Variants in CSMD1 observed in about 807,000 individuals in gnomAD.
The protein encoded by CSMD1 is CUB and sushi domain-containing protein 1.
Under a neutral mutation model 417.5 loss-of-function variants are expected in CSMD1, and 213 were observed. The observed-to-expected ratio is 0.51, with a 90% confidence interval of 0.46 to 0.57. CSMD1 has a LOEUF of 0.57. Ranked by LOEUF, CSMD1 falls within the 20% of genes least tolerant of loss-of-function variation. The probability of loss-of-function intolerance (pLI) is 0.00; values close to 1 mark genes in which losing one functional copy is unlikely to be tolerated. For synonymous variants in CSMD1, 2,862 were observed against 1,736.8 expected (o/e 1.65, Z -16.11); for missense variants, 6,923 against 4,529.7 (o/e 1.53, Z -15.17).
chr8:3,962,687 G>C (rs1428902898), intron 5 of CSMD1, among the ~76,000 whole-genome samples: 1 of 152,146 alleles, frequency 6.6e-6, no homozygotes, highest in Non-Finnish European at 1.5e-5. Flanking sequence ...TGGGTGGGGA[G>C]TGTGGTGCAG....
chr8:3,723,352 C>A (rs1168281018), intron 6 of CSMD1, among the ~76,000 whole-genome samples: 2 of 152,152 alleles, frequency 1.3e-5, no homozygotes, highest in Non-Finnish European at 2.9e-5. Flanking sequence ...CCGCTGAGCA[C>A]CATCTCCCTT....
intron 4 of CSMD1, among the ~76,000 whole-genome samples, chr8:4,031,651 ATAT>A (rs1257764974): frequency 3.3e-5 from 5 of 152,074 alleles, no homozygotes; most frequent in African/African-American, 1.2e-4. Flanking sequence ...ATAACATGTA[ATAT>A]TATATATTAT....
At chr8:4,635,381 T>C (rs1191042957) in intron 2 of CSMD1, among the ~76,000 whole-genome samples, 1 of 152,128 alleles carries the variant, frequency 6.6e-6, no homozygotes, top group Non-Finnish European at 1.5e-5. Flanking sequence ...TTGTTTTATA[T>C]TTATTAATAT....
At chr8:4,038,205 T>C (rs1421833749) in intron 3 of CSMD1, among the ~76,000 whole-genome samples, 1 of 152,162 alleles carries the variant, frequency 6.6e-6, no homozygotes, top group Non-Finnish European at 1.5e-5. Flanking sequence ...AAATTTTCTT[T>C]TTAAAAAGTT....
chr8:3,693,283 G>T (rs1225902423), intron 7 of CSMD1, among the ~76,000 whole-genome samples: 1 of 152,142 alleles, frequency 6.6e-6, no homozygotes. Context: ...ACTTATCAAT[G>T]AGATTATATT....
intron 5 of CSMD1, among the ~76,000 whole-genome samples, chr8:3,834,255 T>C (rs986937385): frequency 6.6e-6 from 1 of 152,212 alleles, no homozygotes; most frequent in Non-Finnish European, 1.5e-5. Flanking sequence ...TGTCCATATA[T>C]TCTCATCTGT....
intron 14 of CSMD1, 21 bp downstream of exon 14, chr8:3,407,878 T>G: frequency 6.4e-7 from 1 of 1,574,100 alleles, no homozygotes; most frequent in Non-Finnish European, 8.7e-7. Context: ...TTGGATGTGT[T>G]GACTGTGTGG....
In CSMD1 at chr8:4,472,425, T is replaced by A. The variant is rs112968513; in HGVS notation, c.303-52360A>T. ...TCTTAATACTTTTATTTTAAAGGTA[T>A]ATGTCATTTATAGACATATATTTAA... is the stretch of plus-strand genomic sequence containing the variant. On this transcript the variant is annotated intron_variant, in intron 2 of 69. Coordinates refer to ENST00000635120, the MANE Select transcript of CSMD1 (RefSeq NM_033225.6). Among the ~76,000 whole-genome samples, 1,129 of 152,240 alleles carry A rather than the reference T, an allele frequency of 7.4e-3. 15 individuals are homozygous for A. The highest frequency in any genetic ancestry group is 0.025 in the African/African-American group (1,047 of 41,568).
intron 5 of CSMD1, among the ~76,000 whole-genome samples, chr8:3,762,801 G>C (rs1006081073): frequency 1.3e-5 from 2 of 152,208 alleles, no homozygotes; most frequent in Non-Finnish European, 2.9e-5. Context: ...GAAGGCAAGG[G>C]AGAGCCACCC....
At chr8:4,036,295 G>C (rs1453801060) in intron 3 of CSMD1, among the ~76,000 whole-genome samples, 3 of 151,918 alleles carry the variant, frequency 2.0e-5, no homozygotes, top group African/African-American at 7.3e-5. Flanking sequence ...TTATGGTCAA[G>C]CCTCCCACTT....
intron 2 of CSMD1, among the ~76,000 whole-genome samples, chr8:4,423,451 A>G (rs775676773): frequency 7.9e-5 from 12 of 152,100 alleles, no homozygotes; most frequent in Admixed American, 2.6e-4. Context: ...AAATACATCA[A>G]TCACAACAGC....
At position 4,052,445 on chromosome 8, in the gene CSMD1, G is replaced by C. The variant is rs1033543852; in HGVS notation, c.416-20346C>G. Reference sequence around the variant, plus strand: ...GATCCCAAATATCTTGTAGTGAGGGGTGATTTTGCCCACTGCAAGATGGAT... The same window carrying C: ...GATCCCAAATATCTTGTAGTGAGGGCTGATTTTGCCCACTGCAAGATGGAT... On this transcript the variant is annotated intron_variant, in intron 3 of 69. Transcript: ENST00000635120. Among the ~76,000 whole-genome samples, 4 of 152,134 alleles carry C rather than the reference G, an allele frequency of 2.6e-5. No homozygotes were observed. The East Asian group carries it at 7.7e-4, about 29-fold the overall frequency.
intron 3 of CSMD1, among the ~76,000 whole-genome samples, chr8:4,038,460 A>C (rs962989033): frequency 5.8e-4 from 89 of 152,322 alleles, no homozygotes; most frequent in African/African-American, 2.0e-3. Flanking sequence ...ATGGTAATTT[A>C]GTGTTCGAGA....
intron 5 of CSMD1, among the ~76,000 whole-genome samples, chr8:3,952,653 T>A (rs533210962): frequency 1.3e-5 from 2 of 152,252 alleles, no homozygotes; most frequent in African/African-American, 4.8e-5. Context: ...CTGGGGTGAT[T>A]ACAGATTCTG....
intron 50 of CSMD1, among the ~76,000 whole-genome samples, chr8:3,045,038 A>T (rs576780817): frequency 5.9e-5 from 9 of 152,322 alleles, no homozygotes; most frequent in Admixed American, 4.6e-4. Flanking sequence ...ATAAAAATTA[A>T]ATCGGTTTTC....
chr8:3,095,429 ATGTT>A (rs1815231432), intron 47 of CSMD1, among the ~76,000 whole-genome samples: 1 of 152,168 alleles, frequency 6.6e-6, no homozygotes, highest in African/African-American at 2.4e-5. Flanking sequence ...TAAATAATGT[ATGTT>A]TGTTTTAATA....
At chr8:4,485,877 C>G (rs1387705034) in intron 2 of CSMD1, among the ~76,000 whole-genome samples, 1 of 151,904 alleles carries the variant, frequency 6.6e-6, no homozygotes, top group African/African-American at 2.4e-5. Flanking sequence ...ACATTTCACT[C>G]TGACCAGGGA....
chr8:4,000,624 G>C (rs897810312), intron 4 of CSMD1, among the ~76,000 whole-genome samples: 1 of 152,068 alleles, frequency 6.6e-6, no homozygotes, highest in Non-Finnish European at 1.5e-5. Flanking sequence ...AAGGGATGAG[G>C]TAAACAGGAT....
chr8:4,672,075 C>T (rs1356537677), intron 1 of CSMD1, among the ~76,000 whole-genome samples: 1 of 152,134 alleles, frequency 6.6e-6, no homozygotes, highest in African/African-American at 2.4e-5. Context: ...GATAGAGTTT[C>T]CTTTAAGAAT....
Sources: gnomAD v4.1 joint callset for allele counts (sites outside exome capture counted in the v4.1 genomes callset) on GRCh38, gnomAD v4.1.1 for gene constraint, MANE v1.5 for transcripts, NCBI Gene and HGNC (gene_info 2026-07-23, HGNC 2026-07-21) for gene names.